Variants in PACS2 observed in about 807,000 individuals in gnomAD.
PACS2 encodes the protein PACS1-like protein.
In PACS2, 36 loss-of-function variants were observed where a neutral mutation model predicts 113.0. The ratio of observed to expected loss-of-function variants is 0.32; its 90% CI spans 0.24 to 0.42. The LOEUF (loss-of-function observed/expected upper bound fraction) is 0.42, where lower values mean the gene tolerates loss of function less well. Ranked by LOEUF, PACS2 falls within the 10% of genes least tolerant of loss-of-function variation. The probability of loss-of-function intolerance (pLI) is 1.00; values close to 1 mark genes in which losing one functional copy is unlikely to be tolerated. For synonymous variants in PACS2, 589 were observed against 536.1 expected, an observed-to-expected ratio of 1.10 and a Z score of -1.36; for missense variants, 1,015 against 1,239.5, an observed-to-expected ratio of 0.82 and a Z score of 2.72.
Position 105,379,815 on chromosome 14 carries a change from G to A in PACS2, c.1036G>A (p.Glu346Lys). 6.2e-7 allele frequency: 1 copy of A among 1,613,550 alleles called. No individual in the cohort carries two copies. Among genetic ancestry groups the A allele is most frequent in the Admixed American group, 1.7e-5 (1 of 60,024 alleles). ...CATCCACAGCGCCCGCAGCCACAAG[G>A]AGCCCCCAAGCCCGGTGAGTGGGGC... ...GSIHSARSHK[E>K]PPSPADVPEK... Residue 346 changes from glutamate to lysine, a missense_variant, in exon 10 of 25, where the codon GAG becomes AAG. Around this residue, in one of 3 missense-constraint regions of PACS2, gnomAD observed 859 missense variants for 1,056.8 expected, o/e 0.81. Transcript: ENST00000447393.
At chr14:105,377,556 C>T (rs2080829240) in intron 9 of PACS2, among the ~76,000 whole-genome samples, 1 of 152,168 alleles carries the variant, frequency 6.6e-6, no homozygotes, top group African/African-American at 2.4e-5. Flanking sequence ...AGCCAGAGGC[C>T]CCAGTCAGAG....
upstream of PACS2, among the ~76,000 whole-genome samples, chr14:105,313,428 T>C (rs2140722551): frequency 6.6e-6 from 1 of 152,348 alleles, no homozygotes; most frequent in East Asian, 1.9e-4. Context: ...CTCATGGCTC[T>C]CAGTGTACCA....
rs1432084366 is a variant in PACS2 at position 105,355,218 on chromosome 14, C to T, written c.423+41C>T. 1.3e-6 allele frequency: 2 copies of T among 1,597,430 alleles called. No homozygotes were observed. Among genetic ancestry groups the T allele is most frequent in the African/African-American group, 1.3e-5 (1 of 74,346 alleles). ...GGCGTGGCCTGCGTCGGGCTGGCCA[C>T]CTGGGTGCCAGAGCATTCGCCCGTG... On this transcript the variant is annotated intron_variant, in intron 4 of 24. Transcript: ENST00000447393. The surrounding 1 kb of genome is among the most constrained non-coding windows in gnomAD (Gnocchi z 4.1).
intron 13 of PACS2, 101 bp downstream of exon 13, chr14:105,382,159 C>T (rs1191170379): frequency 2.3e-6 from 3 of 1,298,754 alleles, no homozygotes; most frequent in Non-Finnish European, 3.1e-6. Flanking sequence ...GCCAAGGGTG[C>T]TGGGCCACAG....
Position 105,352,367 on chromosome 14 carries a change from C to T in PACS2, c.208-11C>T. 6.3e-7 allele frequency: 1 copy of T among 1,593,050 alleles called. No homozygotes were observed. Among genetic ancestry groups the T allele is most frequent in the Non-Finnish European group, 8.6e-7 (1 of 1,161,000 alleles). On this transcript the variant is annotated splice_polypyrimidine_tract_variant and intron_variant, in intron 2 of 24. Transcript: ENST00000447393. The stretch of plus-strand genomic sequence containing the variant: ...GTCCTTTGAGCTAGAACAGGTCTTG[C>T]TTAATCACAGGGCTCCAAACGAATC...
chr14:105,368,577 G>A (rs1555408584), intron 7 of PACS2, 38 bp downstream of exon 7: 4 of 1,506,144 alleles, frequency 2.7e-6, no homozygotes, highest in South Asian at 1.1e-5. Flanking sequence ...TGGGGAAGGC[G>A]AGGGTCGGGG....
intron 4 of PACS2, among the ~76,000 whole-genome samples, chr14:105,361,679 A>G (rs775455494): frequency 4.5e-5 from 6 of 133,932 alleles, no homozygotes; most frequent in African/African-American, 1.2e-4. Flanking sequence ...GCCGGGTGCA[A>G]TGGCTCACGC....
intron 1 of PACS2, among the ~76,000 whole-genome samples, chr14:105,341,793 A>G (rs1555401637): frequency 2.0e-5 from 3 of 152,102 alleles, no homozygotes; most frequent in African/African-American, 7.2e-5. Context: ...GGCTGTAGCT[A>G]TGTGTAGTGA....
At chr14:105,320,755 C>T (rs898884292) in intron 1 of PACS2, among the ~76,000 whole-genome samples, 1 of 152,202 alleles carries the variant, frequency 6.6e-6, no homozygotes, top group Non-Finnish European at 1.5e-5. Context: ...CTAAGATTTC[C>T]TTGTGAAATG....
Position 105,345,500 on chromosome 14 carries a change from C to T in PACS2, c.120-2993C>T, listed in dbSNP as rs372255727. On this transcript the variant is annotated intron_variant, in intron 1 of 24. Coordinates refer to ENST00000447393, the MANE Select transcript of PACS2 (RefSeq NM_001100913.3). ...AATGCTATAAATTCTCATTTCAGAA[C>T]GGCTTTAGCTGCACCTGGCAGATTG... is the stretch of plus-strand genomic sequence containing the variant. Among the ~76,000 whole-genome samples the T allele has an allele frequency of 2.0e-4, 30 of 152,302 alleles. No individual in the cohort carries two copies. The South Asian group carries it at 4.6e-3, about 23-fold the overall frequency.
intron 24 of PACS2, 129 bp downstream of exon 24, chr14:105,393,464 A>G: frequency 1.8e-6 from 1 of 568,980 alleles, no homozygotes; most frequent in Non-Finnish European, 3.0e-6. Flanking sequence ...TTCAAGGTGC[A>G]AGCACATTCG....
chr14:105,329,515 C>T lies in PACS2; in HGVS notation c.119+14478C>T, dbSNP rs981126362. Among the ~76,000 whole-genome samples, 4 of 152,226 alleles carry T rather than the reference C, an allele frequency of 2.6e-5. No individual in the cohort carries two copies. The highest frequency in any genetic ancestry group is 2.0e-4 in the Admixed American group (3 of 15,298). On this transcript the variant is annotated intron_variant, in intron 1 of 24. Transcript: ENST00000447393. This position sits in a 1 kb window ranked among gnomAD's most constrained non-coding sequence, Gnocchi z 6.4. ...AGGAGCTCTGGGAGAGTCTAGGATGCTCTAGATCCTTGGGCTCATGGGGCA... is the reference window on the plus strand; with the variant it reads ...AGGAGCTCTGGGAGAGTCTAGGATGTTCTAGATCCTTGGGCTCATGGGGCA...
intron 1 of PACS2, among the ~76,000 whole-genome samples, chr14:105,337,804 G>A (rs587623134): frequency 6.6e-6 from 1 of 152,206 alleles, no homozygotes; most frequent in Admixed American, 6.5e-5. Context: ...AAACTGGGGG[G>A]CCTGGTGCAG....
intron 1 of PACS2, among the ~76,000 whole-genome samples, chr14:105,331,365 C>T (rs941044178): frequency 2.6e-5 from 4 of 152,166 alleles, no homozygotes; most frequent in African/African-American, 9.7e-5. Flanking sequence ...TATTTCCTCT[C>T]CTAAGTTTTG....
intron 5 of PACS2, 71 bp downstream of exon 5, chr14:105,367,446 G>T: frequency 6.7e-7 from 1 of 1,491,524 alleles, no homozygotes; most frequent in Non-Finnish European, 9.3e-7. Flanking sequence ...GGCACATCGG[G>T]TGGCAGAAAC....
At chr14:105,319,588 T>G (rs909089789) in intron 1 of PACS2, among the ~76,000 whole-genome samples, 1 of 152,246 alleles carries the variant, frequency 6.6e-6, no homozygotes, top group Non-Finnish European at 1.5e-5. Flanking sequence ...ATCTATAGAT[T>G]ATTTTGTATT....
At chr14:105,352,746 C>A (rs1465329988) in intron 3 of PACS2, among the ~76,000 whole-genome samples, 1 of 140,576 alleles carries the variant, frequency 7.1e-6, no homozygotes, top group Non-Finnish European at 1.5e-5. Flanking sequence ...GGGTGACGGG[C>A]ACCCCCATCA....
intron 4 of PACS2, among the ~76,000 whole-genome samples, chr14:105,360,113 G>A (rs2060621838): frequency 6.6e-6 from 1 of 152,152 alleles, no homozygotes; most frequent in South Asian, 2.1e-4. Context: ...AATAAAAACG[G>A]ATATTGAAAT....
At chr14:105,383,561 AGTGTGGCGTGGCATGGAGTG>A (rs1566963607) in intron 16 of PACS2, 48 bp downstream of exon 16, 12 of 1,525,108 alleles carry the variant, frequency 7.9e-6, no homozygotes, top group Admixed American at 1.8e-5. Context: ...TGCCACGGGC[AGTGTGGCGTGGCATGGAGTG>A]GTGTGGCGTG....
Sources: gnomAD v4.1 joint callset for allele counts (sites outside exome capture counted in the v4.1 genomes callset) on GRCh38, gnomAD v4.1.1 for gene constraint, gnomAD v4.1.1 regional missense constraint, Gnocchi (gnomAD v3.1) non-coding constraint, MANE v1.5 for transcripts, NCBI Gene and HGNC (gene_info 2026-07-23, HGNC 2026-07-21) for gene names.